The following TMEM132C variants were observed in gnomAD, a reference collection of about 807,000 sequenced individuals.
TMEM132C encodes the protein transmembrane protein 132C.
A neutral mutation model predicts 61.4 loss-of-function variants in TMEM132C; 29 were observed. The observed-to-expected ratio is 0.47, with a 90% confidence interval of 0.35 to 0.64. TMEM132C has a LOEUF of 0.64. Among genes scored for constraint, TMEM132C ranks in the 30% least tolerant of loss-of-function variants. The pLI, the probability that TMEM132C is intolerant of heterozygous loss-of-function variation, is 0.00. For missense variants in TMEM132C, 1,408 were observed against 1,476.9 expected (o/e 0.95, Z 0.76); for synonymous variants, 656 against 633.1 (o/e 1.04, Z -0.54).
chr12:128,544,612 C>A (rs1329453332), intron 3 of TMEM132C, among the ~76,000 whole-genome samples: 1 of 149,316 alleles, frequency 6.7e-6, no homozygotes, highest in East Asian at 1.9e-4. Flanking sequence ...AATTCAGACT[C>A]ATTTTAGAAT....
At chr12:128,505,729 G>A (rs1306061804) in intron 2 of TMEM132C, among the ~76,000 whole-genome samples, 2 of 152,206 alleles carry the variant, frequency 1.3e-5, no homozygotes, top group Non-Finnish European at 2.9e-5. Context: ...CCCTGCAAAT[G>A]TGAGGGCTAC....
At chr12:128,287,830 G>C (rs1871121286) in intron 1 of TMEM132C, among the ~76,000 whole-genome samples, 1 of 152,100 alleles carries the variant, frequency 6.6e-6, no homozygotes, top group African/African-American at 2.4e-5. Flanking sequence ...CAATTTCTCA[G>C]CCTTTTTTTG....
intron 1 of TMEM132C, among the ~76,000 whole-genome samples, chr12:128,273,776 G>A (rs77307009): frequency 0.016 from 2,415 of 151,902 alleles, 60 homozygotes; most frequent in African/African-American, 0.049. Context: ...ATTATGTTAC[G>A]GTGCTTTGTA....
At chr12:128,315,057 G>A (rs1046780893) in intron 1 of TMEM132C, among the ~76,000 whole-genome samples, 5 of 152,178 alleles carry the variant, frequency 3.3e-5, no homozygotes, top group Non-Finnish European at 4.4e-5. Flanking sequence ...GGCAGGTTGC[G>A]ATGGGAAGTC....
At chr12:128,296,978 T>C (rs1871433712) in intron 1 of TMEM132C, among the ~76,000 whole-genome samples, 1 of 152,204 alleles carries the variant, frequency 6.6e-6, no homozygotes, top group African/African-American at 2.4e-5. Flanking sequence ...ACACACCCCG[T>C]GATCTTTGGA....
At chr12:128,659,372 A>G (rs985635011) in intron 4 of TMEM132C, among the ~76,000 whole-genome samples, 23 of 152,226 alleles carry the variant, frequency 1.5e-4, no homozygotes, top group Non-Finnish European at 3.1e-4. Context: ...CTTTCTCTTC[A>G]TTCTGAGAAG....
rs1021115165 is a variant in TMEM132C, at chr12:128,518,375, G to A, written c.975-25582G>A. 3.3e-5 allele frequency among the ~76,000 whole-genome samples: 5 copies of A among 152,304 alleles called. No individual in the cohort carries two copies. The South Asian group carries it at 6.2e-4, about 19-fold the overall frequency. Reference sequence around the variant, plus strand: ...GGAAAAGATGGAAAGTTCAGGCGGCGTCCTTGGAACACAGGTATCCATGCC... The same window carrying A: ...GGAAAAGATGGAAAGTTCAGGCGGCATCCTTGGAACACAGGTATCCATGCC... On this transcript the variant is annotated intron_variant, in intron 2 of 8. Coordinates refer to ENST00000435159, the MANE Select transcript of TMEM132C (RefSeq NM_001136103.3).
chr12:128,307,472 T>C (rs556353225), intron 1 of TMEM132C, among the ~76,000 whole-genome samples: 1 of 152,030 alleles, frequency 6.6e-6, no homozygotes, highest in South Asian at 2.1e-4. Flanking sequence ...TAAGGACCCG[T>C]ATTTTAATAT....
intron 4 of TMEM132C, among the ~76,000 whole-genome samples, chr12:128,656,912 T>C (rs1429252005): frequency 4.6e-5 from 7 of 152,216 alleles, no homozygotes; most frequent in Non-Finnish European, 1.0e-4. Flanking sequence ...CTAATCAGTT[T>C]ATTTTCCTAG....
At chr12:128,686,024 CAT>C (rs1491111195) in intron 5 of TMEM132C, among the ~76,000 whole-genome samples, 1 of 140,778 alleles carries the variant, frequency 7.1e-6, no homozygotes, top group Non-Finnish European at 1.5e-5. Flanking sequence ...TGTGTGCATG[CAT>C]GTGTGTGTGT....
At chr12:128,470,495 A>T (rs943095626) in intron 2 of TMEM132C, among the ~76,000 whole-genome samples, 1 of 152,054 alleles carries the variant, frequency 6.6e-6, no homozygotes, top group African/African-American at 2.4e-5. Flanking sequence ...TTTTCCAACC[A>T]TTGCTAATTT....
At chr12:128,601,866 G>A (rs1394937992) in intron 3 of TMEM132C, among the ~76,000 whole-genome samples, 26 of 152,260 alleles carry the variant, frequency 1.7e-4, no homozygotes, top group Non-Finnish European at 5.9e-5. Context: ...GCTCAGAATC[G>A]TCATTTGATA....
At chr12:128,327,401 G>A (rs1349109784) in intron 1 of TMEM132C, among the ~76,000 whole-genome samples, 1 of 148,104 alleles carries the variant, frequency 6.8e-6, no homozygotes, top group Non-Finnish European at 1.5e-5. Context: ...TTTGTTTTTT[G>A]AGATGGAGTC....
chr12:128,427,693 G>A lies in TMEM132C; in HGVS notation c.974+12073G>A, dbSNP rs182458361. Among the ~76,000 whole-genome samples, 187 of 152,190 alleles carry A rather than the reference G, an allele frequency of 1.2e-3. 2 individuals carry two copies. The highest frequency in any genetic ancestry group is 6.0e-3 in the Admixed American group (91 of 15,270). On this transcript the variant is annotated intron_variant, in intron 2 of 8. Coordinates refer to ENST00000435159, the MANE Select transcript of TMEM132C (RefSeq NM_001136103.3). The stretch of plus-strand genomic sequence containing the variant: ...GACTTTCTTCCTCCATCACCTTCCC[G>A]TTAAGGCACTCGGCTGGAGAAGCCC...
chr12:128,304,166 A>G (rs1400297873), intron 1 of TMEM132C, among the ~76,000 whole-genome samples: 1 of 152,224 alleles, frequency 6.6e-6, no homozygotes, highest in Non-Finnish European at 1.5e-5. Context: ...AGTATTTTTG[A>G]AGAGATAAAC....
chr12:128,486,493 T>G (rs1245163434), intron 2 of TMEM132C, among the ~76,000 whole-genome samples: 2 of 152,168 alleles, frequency 1.3e-5, no homozygotes, highest in East Asian at 3.9e-4. Flanking sequence ...CAGCAGACCC[T>G]CCTTCTCAGT....
intron 2 of TMEM132C, among the ~76,000 whole-genome samples, chr12:128,519,396 G>A (rs1270494527): frequency 6.6e-6 from 1 of 152,214 alleles, no homozygotes; most frequent in Admixed American, 6.5e-5. Flanking sequence ...GTTGCATCCA[G>A]TTTTCATCCT....
At position 128,541,027 on chromosome 12, in the gene TMEM132C, G is replaced by GTCTC. The variant is rs71449354; in HGVS notation, c.975-2914_975-2911dup. On this transcript the variant is annotated intron_variant, in intron 2 of 8. Coordinates refer to ENST00000435159, the MANE Select transcript of TMEM132C (RefSeq NM_001136103.3). The stretch of plus-strand genomic sequence containing the variant: ...TCTGTCTATCTTTCTCTCTTTCTCT[G>GTCTC]TCTCTCTCTCTCTCTCTCTGTGTGT... 4.5e-3 allele frequency among the ~76,000 whole-genome samples: 674 copies of GTCTC among 149,700 alleles called. 2 individuals carry two copies. Among genetic ancestry groups the GTCTC allele is most frequent in the Non-Finnish European group, 4.8e-3 (327 of 67,536 alleles).
intron 1 of TMEM132C, among the ~76,000 whole-genome samples, chr12:128,287,804 G>A (rs1871120689): frequency 6.6e-6 from 1 of 152,002 alleles, no homozygotes; most frequent in Admixed American, 6.6e-5. Flanking sequence ...GTCTCTTTGT[G>A]TTTTTTTATC....
Sources: gnomAD v4.1 joint callset for allele counts (sites outside exome capture counted in the v4.1 genomes callset) on GRCh38, gnomAD v4.1.1 for gene constraint, MANE v1.5 for transcripts, NCBI Gene and HGNC (gene_info 2026-07-23, HGNC 2026-07-21) for gene names.